EIF4G3: variants seen among roughly 807,000 people sequenced by gnomAD.
EIF4G3 encodes eIF-4-gamma 3.
In EIF4G3, 34 loss-of-function variants were observed where a neutral mutation model predicts 186.4. The observed-to-expected ratio is 0.18, with a 90% CI of 0.14 to 0.24. The LOEUF (loss-of-function observed/expected upper bound fraction) is 0.24. EIF4G3 is among the 10% of genes least tolerant of loss of function. The pLI is 1.00. For missense variants in EIF4G3, 1,536 were observed against 1,948.5 expected, an observed-to-expected ratio of 0.79 and a Z score of 3.99; for synonymous variants, 673 against 679.5, an observed-to-expected ratio of 0.99 and a Z score of 0.15.
intron 15 of EIF4G3, among the ~76,000 whole-genome samples, chr1:20,900,723 C>T (rs1052093890): frequency 5.3e-5 from 8 of 152,094 alleles, no homozygotes; most frequent in African/African-American, 1.9e-4. Context: ...ACTCTTTTCA[C>T]GATGGGTATG....
intron 4 of EIF4G3, among the ~76,000 whole-genome samples, chr1:21,048,561 AG>A (rs2094025692): frequency 6.6e-6 from 1 of 152,102 alleles, no homozygotes; most frequent in Admixed American, 6.5e-5. Context: ...GCTTCATCAG[AG>A]CAAGATTTCT....
At chr1:20,917,199 T>C (rs1004080896) in intron 14 of EIF4G3, among the ~76,000 whole-genome samples, 3 of 152,188 alleles carry the variant, frequency 2.0e-5, no homozygotes, top group Non-Finnish European at 4.4e-5. Context: ...ACATGCTGAA[T>C]GAAAGAAGCC....
intron 30 of EIF4G3, among the ~76,000 whole-genome samples, chr1:20,830,084 A>T (rs1207764345): frequency 6.6e-6 from 1 of 152,222 alleles, no homozygotes; most frequent in Admixed American, 6.5e-5. Flanking sequence ...GGAGACATAC[A>T]CATAATTGCA....
chr1:21,119,577 A>G (rs564491282), intron 2 of EIF4G3, among the ~76,000 whole-genome samples: 14 of 152,328 alleles, frequency 9.2e-5, no homozygotes, highest in African/African-American at 2.9e-4. Flanking sequence ...GAATAAGTTA[A>G]CTTTATTTGG....
chr1:21,030,240 T>C (rs2092614251), intron 4 of EIF4G3, among the ~76,000 whole-genome samples: 1 of 152,194 alleles, frequency 6.6e-6, no homozygotes, highest in African/African-American at 2.4e-5. Context: ...TGGCTCTGTG[T>C]CTCCACCCAA....
chr1:20,885,040 G>A (rs969663651), intron 19 of EIF4G3, among the ~76,000 whole-genome samples: 5 of 152,160 alleles, frequency 3.3e-5, no homozygotes, highest in African/African-American at 7.2e-5. Flanking sequence ...TCCATGTACA[G>A]TTCACAATAG....
intron 2 of EIF4G3, among the ~76,000 whole-genome samples, chr1:21,109,293 T>C (rs2096673532): frequency 1.3e-5 from 2 of 152,330 alleles, no homozygotes; most frequent in South Asian, 4.1e-4. Flanking sequence ...CACTATTTTA[T>C]GTCTTGCTTT....
In EIF4G3 at chr1:20,888,018, T is replaced by C. The variant is rs190221041; in HGVS notation, c.2254-1647A>G. ...ACATAAACATTGTCAAGAACAAATG[T>C]TTCTGGATGCAATGAAAGGAAATTA... On this transcript the variant is annotated intron_variant, in intron 18 of 36. Coordinates refer to ENST00000602326, the MANE Select transcript of EIF4G3 (RefSeq NM_001391906.1). Among the ~76,000 whole-genome samples, 332 of 152,274 alleles carry C rather than the reference T, an allele frequency of 2.2e-3. 1 individual carries two copies. The highest frequency in any genetic ancestry group is 3.8e-3 in the Non-Finnish European group (259 of 67,984).
At chr1:21,087,209 G>A (rs546797290) in intron 3 of EIF4G3, among the ~76,000 whole-genome samples, 1 of 152,042 alleles carries the variant, frequency 6.6e-6, no homozygotes, top group African/African-American at 2.4e-5. Context: ...ATGGTATGTT[G>A]AACCGAAATA....
intron 18 of EIF4G3, among the ~76,000 whole-genome samples, chr1:20,887,284 A>T (rs1324940938): frequency 1.3e-5 from 2 of 152,080 alleles, no homozygotes; most frequent in Non-Finnish European, 2.9e-5. Flanking sequence ...AGAGAATAAA[A>T]ACTTCATACA....
At chr1:21,096,176 G>A (rs766871125) in intron 2 of EIF4G3, among the ~76,000 whole-genome samples, 2 of 152,148 alleles carry the variant, frequency 1.3e-5, no homozygotes, top group Non-Finnish European at 2.9e-5. Context: ...GCATAAAGAA[G>A]ATGTAGTATA....
At chr1:21,127,511 G>C (rs1227725508) in intron 2 of EIF4G3, among the ~76,000 whole-genome samples, 1 of 152,092 alleles carries the variant, frequency 6.6e-6, no homozygotes, top group African/African-American at 2.4e-5. Flanking sequence ...TATATCCTCA[G>C]CTCTTAATGC....
chr1:21,103,822 C>A (rs1294977518), intron 2 of EIF4G3, among the ~76,000 whole-genome samples: 1 of 151,988 alleles, frequency 6.6e-6, no homozygotes, highest in Non-Finnish European at 1.5e-5. Flanking sequence ...CCAACCTGGG[C>A]AACAGAGCAA....
chr1:21,135,119 T>C (rs535780187), intron 2 of EIF4G3, among the ~76,000 whole-genome samples: 16 of 152,336 alleles, frequency 1.1e-4, no homozygotes, highest in African/African-American at 3.6e-4. Flanking sequence ...CAAATGCCTT[T>C]TGTAACAGAA....
chr1:20,811,012 CAA>C, intron 35 of EIF4G3, 128 bp from the exon 36 acceptor site: 1 of 857,258 alleles, frequency 1.2e-6, no homozygotes. Flanking sequence ...TGCAGTGGCA[CAA>C]TCTAAGCTCA....
intron 2 of EIF4G3, among the ~76,000 whole-genome samples, chr1:21,097,109 T>C (rs1053664106): frequency 1.3e-5 from 2 of 152,218 alleles, no homozygotes; most frequent in Non-Finnish European, 2.9e-5. Context: ...GAACCATGAC[T>C]ATGGAATAGT....
intron 3 of EIF4G3, among the ~76,000 whole-genome samples, chr1:21,063,723 G>T (rs868392852): frequency 2.5e-5 from 3 of 120,762 alleles, no homozygotes; most frequent in Non-Finnish European, 5.3e-5. Context: ...GGGGTGTTGG[G>T]GGGGGGGACG....
At position 20,981,696 on chromosome 1, in the gene EIF4G3, G is replaced by A. The variant is rs150983750; in HGVS notation, c.199-469C>T. 2.1e-4 allele frequency among the ~76,000 whole-genome samples: 25 copies of A among 121,470 alleles called. 1 individual carries two copies. The highest frequency in any genetic ancestry group is 8.2e-4 in the African/African-American group (23 of 27,914). 79.7% of individuals were successfully genotyped at this position (121,470 alleles called of 152,430 possible). A position where few individuals can be genotyped will look rare whatever the true frequency, so the allele number is the denominator to read the frequency against. On this transcript the variant is annotated intron_variant, in intron 8 of 36. Transcript: ENST00000602326. ...ACTGTATGTATACATACATGTATACGCACATACTGTATGTATACATACATG... is the reference window on the plus strand; with the variant it reads ...ACTGTATGTATACATACATGTATACACACATACTGTATGTATACATACATG...
chr1:21,093,053 G>A (rs1220406194), intron 2 of EIF4G3, among the ~76,000 whole-genome samples: 3 of 152,146 alleles, frequency 2.0e-5, no homozygotes, highest in Non-Finnish European at 2.9e-5. Context: ...AGGACTTCAC[G>A]TCTAAAACAC....
Sources: allele counts gnomAD v4.1 joint callset (sites outside exome capture counted in the v4.1 genomes callset), GRCh38; gene constraint gnomAD v4.1.1; transcripts MANE v1.5; gene names NCBI Gene and HGNC (gene_info 2026-07-23, HGNC 2026-07-21).